The following NIPBL variants were observed in gnomAD, a reference collection of about 807,000 sequenced individuals.
The protein encoded by NIPBL is nipped-B-like protein.
A neutral mutation model predicts 321.8 loss-of-function variants in NIPBL; 19 were observed. The ratio of observed to expected loss-of-function variants is 0.06; its 90% confidence interval spans 0.04 to 0.09. The LOEUF (loss-of-function observed/expected upper bound fraction) is 0.09. Ranked by LOEUF, NIPBL falls within the 10% of genes least tolerant of loss-of-function variation. The pLI is 1.00. For synonymous variants in NIPBL, 1,106 were observed against 1,114.1 expected, an observed-to-expected ratio of 0.99 and a Z score of 0.14; for missense variants, 2,210 against 3,327.0, an observed-to-expected ratio of 0.66 and a Z score of 8.26.
chr5:37,043,638 C>T (rs768802958), intron 34 of NIPBL, among the ~76,000 whole-genome samples: 4 of 152,176 alleles, frequency 2.6e-5, no homozygotes, highest in Non-Finnish European at 5.9e-5. Context: ...AGCAGGATTG[C>T]ATTGAGCTGT....
intron 38 of NIPBL, among the ~76,000 whole-genome samples, chr5:37,047,175 C>T (rs1753066115): frequency 1.3e-5 from 2 of 152,118 alleles, no homozygotes; most frequent in South Asian, 2.1e-4. Flanking sequence ...TGAGAATCCA[C>T]GGATTTTGGT....
At chr5:37,063,701 A>G in intron 45 of NIPBL, 89 bp from the exon 46 acceptor site, 1 of 1,351,910 alleles carries the variant, frequency 7.4e-7, no homozygotes, top group Admixed American at 2.0e-5. Context: ...CACCCACACC[A>G]AACTACTGCC....
intron 10 of NIPBL, among the ~76,000 whole-genome samples, chr5:36,989,947 T>G (rs1021488426): frequency 2.7e-5 from 4 of 145,658 alleles, no homozygotes; most frequent in Non-Finnish European, 6.1e-5. Context: ...GATTTTGTTG[T>G]TTTTTTTTTT....
At chr5:37,008,999 C>T (rs1475223542) in intron 20 of NIPBL, among the ~76,000 whole-genome samples, 2 of 152,176 alleles carry the variant, frequency 1.3e-5, no homozygotes, top group Non-Finnish European at 2.9e-5. Flanking sequence ...TTATGCATAG[C>T]TGTCTAGTGG....
At chr5:36,888,397 ATTT>A (rs1746075012) in intron 1 of NIPBL, among the ~76,000 whole-genome samples, 1 of 152,054 alleles carries the variant, frequency 6.6e-6, no homozygotes, top group Admixed American at 6.6e-5. Flanking sequence ...AGAATACTGC[ATTT>A]CATGGAGTTG....
At chr5:36,907,693 G>C (rs895033809) in intron 1 of NIPBL, among the ~76,000 whole-genome samples, 7 of 152,142 alleles carry the variant, frequency 4.6e-5, no homozygotes, top group Non-Finnish European at 8.8e-5. Flanking sequence ...TTTATCTGCA[G>C]TCCACAATAT....
intron 16 of NIPBL, among the ~76,000 whole-genome samples, chr5:37,004,164 C>G (rs568322134): frequency 5.3e-5 from 8 of 152,140 alleles, no homozygotes; most frequent in Non-Finnish European, 7.4e-5. Context: ...TAAATGTTAA[C>G]TCCAGCTGTT....
chr5:37,027,272 CAT>C (rs1220438028), intron 31 of NIPBL, 85 bp from the exon 32 acceptor site: 12 of 1,035,582 alleles, frequency 1.2e-5, no homozygotes, highest in African/African-American at 3.2e-5. Flanking sequence ...AAAATTGAAA[CAT>C]GTTTCAGGCT....
Position 37,027,325 on chromosome 5 carries a change from T to C in NIPBL, c.5809-34T>C, listed in dbSNP as rs747207378. 1.0e-5 allele frequency: 15 copies of C among 1,487,888 alleles called. No homozygotes were observed. The Admixed American group carries it at 2.3e-4, about 23-fold the overall frequency. 92.2% of individuals were successfully genotyped at this position (1,487,888 alleles called of 1,614,324 possible). ...TATATTTTATTCACATTTATAAATA[T>C]ACTTCTAACTTTGATTCTTTTCATC... is the stretch of plus-strand genomic sequence containing the variant. On this transcript the variant is annotated intron_variant, in intron 31 of 46. Transcript: ENST00000282516.
chr5:37,010,000 C>T (rs1420096519), intron 20 of NIPBL, 87 bp from the exon 21 acceptor site: 6 of 1,025,214 alleles, frequency 5.9e-6, no homozygotes, highest in Non-Finnish European at 9.1e-6. Context: ...TATTGGCAAA[C>T]ACAGTATCGT....
rs1347484102 is a variant in NIPBL, at chr5:37,019,359, G to C, written c.4969G>C (p.Asp1657His). Residue 1657 changes from aspartate (D) to histidine (H), a missense_variant, in exon 25 of 47, where the codon GAT (aspartate) becomes CAT (histidine). Transcript: ENST00000282516. ...EIQQLQKALL[D>H]YLDENTETDP... ...CCAACAATTACAAAAAGCATTGCTT[G>C]ATTACTTGGATGAAAACACTGAGAC... 1 of 1,613,320 alleles carries C rather than the reference G, an allele frequency of 6.2e-7. No individual in the cohort carries two copies. Among genetic ancestry groups the C allele is most frequent in the Non-Finnish European group, 8.5e-7 (1 of 1,179,466 alleles).
chr5:36,976,207 G>A lies in NIPBL; in HGVS notation c.1300G>A (p.Val434Met). 1 of 1,613,144 alleles carries A rather than the reference G, an allele frequency of 6.2e-7. No homozygotes were observed. The highest frequency in any genetic ancestry group is 8.5e-7 in the Non-Finnish European group (1 of 1,179,568). Residue 434 changes from valine to methionine, a missense_variant, in exon 9 of 47, where the codon GTG (valine) becomes ATG (methionine). By Grantham distance (21) the Val-to-Met change is conservative. Around this residue, in one of 14 missense-constraint regions of NIPBL, gnomAD observed 464 missense variants for 529.5 expected, o/e 0.88. Transcript: ENST00000282516. ...AACAGCATTCCTTCCAGCAAATCAA[G>A]TGCCTGTTTTACAACAGAACACTTC... ...EQTAFLPANQVPVLQQNTSVA... is the reference protein window; with the variant it reads ...EQTAFLPANQMPVLQQNTSVA...
intron 16 of NIPBL, 47 bp from the exon 17 acceptor site, chr5:37,006,310 C>A: frequency 9.9e-7 from 1 of 1,005,722 alleles, no homozygotes; most frequent in Non-Finnish European, 1.6e-6. Flanking sequence ...ATATTTTAAA[C>A]CTATAAATGT....
At chr5:37,010,997 G>A (rs894897531) in intron 21 of NIPBL, among the ~76,000 whole-genome samples, 3 of 152,080 alleles carry the variant, frequency 2.0e-5, no homozygotes, top group Admixed American at 1.3e-4. Flanking sequence ...CAGATTAGGG[G>A]TACTAAACCC....
At position 36,896,019 on chromosome 5, in the gene NIPBL, C is replaced by T. The variant is rs576063790; in HGVS notation, c.-80+18841C>T. On this transcript the variant is annotated intron_variant, in intron 1 of 46. Transcript: ENST00000282516. ...CTTTGGGTGTCATAAGAAACTATTG[C>T]CTAATCCAAGGACAGGAAAAGTTAC... 2.6e-5 allele frequency among the ~76,000 whole-genome samples: 4 copies of T among 152,218 alleles called. No individual in the cohort carries two copies. In the East Asian group the frequency reaches 5.8e-4, roughly 22 times the overall value.
chr5:37,029,801 A>G (rs942654718), intron 32 of NIPBL, among the ~76,000 whole-genome samples: 1 of 152,114 alleles, frequency 6.6e-6, no homozygotes, highest in Non-Finnish European at 1.5e-5. Context: ...TTTTTTAAAA[A>G]ACCTTCATGG....
chr5:36,896,769 T>C (rs1323578605), intron 1 of NIPBL, among the ~76,000 whole-genome samples: 1 of 152,106 alleles, frequency 6.6e-6, no homozygotes, highest in Admixed American at 6.5e-5. Flanking sequence ...TGGCTAATTT[T>C]TGTATTTTTA....
intron 1 of NIPBL, among the ~76,000 whole-genome samples, chr5:36,928,565 A>G (rs1321070486): frequency 2.0e-5 from 3 of 152,198 alleles, no homozygotes; most frequent in African/African-American, 7.2e-5. Flanking sequence ...TTATTGAGGT[A>G]TGATCCGCTT....
At chr5:37,064,047 T>G (rs1024197620) in intron 46 of NIPBL, 69 bp downstream of exon 46, 1 of 1,573,418 alleles carries the variant, frequency 6.4e-7, no homozygotes, top group African/African-American at 1.3e-5. Flanking sequence ...TGCTTATATA[T>G]GTCAGTCTAT....
Sources: gnomAD v4.1 joint callset for allele counts (sites outside exome capture counted in the v4.1 genomes callset) on GRCh38, gnomAD v4.1.1 for gene constraint, gnomAD v4.1.1 regional missense constraint, MANE v1.5 for transcripts, NCBI Gene and HGNC (gene_info 2026-07-23, HGNC 2026-07-21) for gene names.